The following ZNF804B variants were observed in gnomAD, a reference collection of about 807,000 sequenced individuals.
ZNF804B encodes zinc finger 804B.
ZNF804B carries 80 observed loss-of-function variants against 101.4 expected under a neutral mutation model. The ratio of observed to expected loss-of-function variants is 0.79; its 90% CI spans 0.66 to 0.95. The LOEUF (loss-of-function observed/expected upper bound fraction) is 0.95, where lower values mean the gene tolerates loss of function less well. ZNF804B is among the 40% of genes least tolerant of loss of function. The pLI is 0.00. For synonymous variants in ZNF804B, 622 were observed against 558.8 expected, an observed-to-expected ratio of 1.11 and a Z score of -1.59; for missense variants, 1,673 against 1,561.9, an observed-to-expected ratio of 1.07 and a Z score of -1.20.
intron 1 of ZNF804B, among the ~76,000 whole-genome samples, chr7:89,203,532 A>G (rs1788675703): frequency 6.6e-6 from 1 of 151,928 alleles, no homozygotes; most frequent in Non-Finnish European, 1.5e-5. Flanking sequence ...AGTATTTTAG[A>G]TTTAAGACAT....
At chr7:89,148,302 T>A (rs1314631301) in intron 1 of ZNF804B, among the ~76,000 whole-genome samples, 1 of 152,100 alleles carries the variant, frequency 6.6e-6, no homozygotes, top group Non-Finnish European at 1.5e-5. Context: ...TTAGCTATTA[T>A]TAGTGATTAT....
At chr7:88,766,293 C>A (rs191500610) in intron 1 of ZNF804B, among the ~76,000 whole-genome samples, 1 of 152,200 alleles carries the variant, frequency 6.6e-6, no homozygotes, top group East Asian at 1.9e-4. Context: ...CCCCAGGCAA[C>A]AAAGGGAAAC....
intron 1 of ZNF804B, among the ~76,000 whole-genome samples, chr7:88,836,966 G>A (rs1791222541): frequency 6.6e-6 from 1 of 151,748 alleles, no homozygotes; most frequent in South Asian, 2.1e-4. Flanking sequence ...TTTCAGGGAG[G>A]GCAAAACTAT....
chr7:88,767,162 G>A (rs1344728366), intron 1 of ZNF804B, among the ~76,000 whole-genome samples: 3 of 151,994 alleles, frequency 2.0e-5, no homozygotes, highest in South Asian at 2.1e-4. Context: ...ACTAGCCCTC[G>A]CAAATGGTAA....
intron 1 of ZNF804B, among the ~76,000 whole-genome samples, chr7:89,166,419 T>C (rs1791144718): frequency 6.6e-6 from 1 of 152,164 alleles, no homozygotes; most frequent in Admixed American, 6.5e-5. Flanking sequence ...ACTGTATTCA[T>C]ACAATAAAGT....
intron 1 of ZNF804B, among the ~76,000 whole-genome samples, chr7:89,168,682 C>CTTTTTTTTTTTTTTTTTTTTTTTTTTTTT (rs372503661): frequency 2.6e-5 from 3 of 115,744 alleles, no homozygotes; most frequent in Non-Finnish European, 3.5e-5. Context: ...GAGCTGAATA[C>CTTTTTTTTTTTTTTTTTTTTTTTTTTTTT]TTTTTTTTTT....
chr7:89,159,672 A>G (rs559508658), intron 1 of ZNF804B, among the ~76,000 whole-genome samples: 5 of 152,126 alleles, frequency 3.3e-5, no homozygotes, highest in African/African-American at 4.8e-5. Flanking sequence ...TCCAATATTT[A>G]ACACATTAAA....
chr7:89,074,622 T>C (rs999947530), intron 1 of ZNF804B, among the ~76,000 whole-genome samples: 2 of 152,184 alleles, frequency 1.3e-5, no homozygotes, highest in Non-Finnish European at 1.5e-5. Flanking sequence ...GGTATGTCTT[T>C]ATCAGCAGCA....
chr7:89,324,566 G>C (rs895259222), intron 2 of ZNF804B, among the ~76,000 whole-genome samples: 4 of 123,830 alleles, frequency 3.2e-5, no homozygotes, highest in African/African-American at 1.2e-4. Context: ...TTATTATCTT[G>C]TTATTTATTT....
Position 88,989,157 on chromosome 7 carries a change from G to A in ZNF804B, c.109-228998G>A, listed in dbSNP as rs140075734. Among the ~76,000 whole-genome samples the A allele has an allele frequency of 2.0e-4, 30 of 150,398 alleles. No homozygotes were observed. The East Asian group carries it at 5.5e-3, about 27-fold the overall frequency. On this transcript the variant is annotated intron_variant, in intron 1 of 3. Transcript: ENST00000333190. The stretch of plus-strand genomic sequence containing the variant: ...CCTGCCTCAGCCTCCCAAGTAGCTA[G>A]GACTTAATTTTTTGTATTTTAGTAG...
At chr7:89,223,393 A>G (rs562218957) in intron 2 of ZNF804B, among the ~76,000 whole-genome samples, 298 of 152,012 alleles carry the variant, frequency 2.0e-3, no homozygotes, top group African/African-American at 7.0e-3. Context: ...CCGCTTAATA[A>G]GTAATTTCTG....
intron 1 of ZNF804B, among the ~76,000 whole-genome samples, chr7:89,189,240 C>T (rs780243863): frequency 6.6e-6 from 1 of 152,034 alleles, no homozygotes; most frequent in Non-Finnish European, 1.5e-5. Context: ...ATACTTTAAG[C>T]CCACTGTTGA....
intron 1 of ZNF804B, among the ~76,000 whole-genome samples, chr7:89,147,130 T>A (rs968960331): frequency 6.7e-6 from 1 of 150,304 alleles, no homozygotes; most frequent in African/African-American, 2.5e-5. Flanking sequence ...AACATTAATA[T>A]ACATTTAGTG....
intron 1 of ZNF804B, among the ~76,000 whole-genome samples, chr7:89,192,005 C>T (rs559249048): frequency 6.6e-6 from 1 of 152,052 alleles, no homozygotes; most frequent in Non-Finnish European, 1.5e-5. Flanking sequence ...AAAATTGATC[C>T]TGTTATGTAT....
At chr7:88,907,455 A>G (rs1367292111) in intron 1 of ZNF804B, among the ~76,000 whole-genome samples, 3 of 152,096 alleles carry the variant, frequency 2.0e-5, no homozygotes, top group Admixed American at 1.3e-4. Flanking sequence ...AATTAAATAC[A>G]TGACTGCTTC....
chr7:89,043,247 A>G (rs1310918923), intron 1 of ZNF804B, among the ~76,000 whole-genome samples: 1 of 152,228 alleles, frequency 6.6e-6, no homozygotes, highest in Admixed American at 6.5e-5. Flanking sequence ...ATTTCTTGCC[A>G]TAAGATGAGG....
At chr7:88,825,562 A>G (rs1791040313) in intron 1 of ZNF804B, among the ~76,000 whole-genome samples, 1 of 151,998 alleles carries the variant, frequency 6.6e-6, no homozygotes, top group African/African-American at 2.4e-5. Flanking sequence ...CAGTAGAGAG[A>G]GGTCAAAGTA....
At chr7:88,998,071 G>A (rs1788226474) in intron 1 of ZNF804B, among the ~76,000 whole-genome samples, 1 of 152,032 alleles carries the variant, frequency 6.6e-6, no homozygotes. Context: ...CCCTCCATGT[G>A]ATGTCACTGC....
intron 1 of ZNF804B, among the ~76,000 whole-genome samples, chr7:88,915,129 C>G (rs1162899642): frequency 1.3e-5 from 2 of 152,000 alleles, no homozygotes; most frequent in Non-Finnish European, 2.9e-5. Flanking sequence ...TGATATCAAT[C>G]ACATTTTAAG....
Sources: gnomAD v4.1 joint callset for allele counts (sites outside exome capture counted in the v4.1 genomes callset) on GRCh38, gnomAD v4.1.1 for gene constraint, MANE v1.5 for transcripts, NCBI Gene and HGNC (gene_info 2026-07-23, HGNC 2026-07-21) for gene names.